The following STRBP variants were observed in gnomAD, a reference collection of about 807,000 sequenced individuals.
The protein encoded by STRBP is spermatid perinuclear RNA-binding protein.
Under a neutral mutation model 80.1 loss-of-function variants are expected in STRBP, and 13 were observed. That is an observed-to-expected ratio of 0.16 (90% CI 0.11 to 0.26). The LOEUF (loss-of-function observed/expected upper bound fraction) is 0.26. Ranked by LOEUF, STRBP falls within the 10% of genes least tolerant of loss-of-function variation. The pLI is 1.00. For missense variants in STRBP, 485 were observed against 815.2 expected, an observed-to-expected ratio of 0.59 and a Z score of 4.93; for synonymous variants, 284 against 291.2, an observed-to-expected ratio of 0.98 and a Z score of 0.25.
At chr9:123,168,596 T>C (rs2037870739) in intron 6 of STRBP, among the ~76,000 whole-genome samples, 2 of 152,192 alleles carry the variant, frequency 1.3e-5, no homozygotes, top group Admixed American at 6.5e-5. Flanking sequence ...AACTGACCAA[T>C]ATTTACTGCG....
At position 123,136,076 on chromosome 9, in the gene STRBP, C is replaced by G. The variant is rs776664049; in HGVS notation, c.1738G>C (p.Ala580Pro). 2 of 1,614,072 alleles carry G rather than the reference C, an allele frequency of 1.2e-6. No homozygotes were observed. Among genetic ancestry groups the G allele is most frequent in the Non-Finnish European group, 1.7e-6 (2 of 1,180,032 alleles). ...ATCTTCTTTTTCTTATTATTTGCCG[C>G]ATTGGGTCCAGAAAACAGTTTCTCC... ...ALEKLFSGPN[A>P]ANNKKKKIIP... The change falls in exon 16 of 19, where the codon GCG (alanine) becomes CCG (proline). Residue 580 changes from alanine (A) to proline (P), a missense_variant. By Grantham distance (27) the Ala-to-Pro change is conservative. Coordinates refer to ENST00000348403, the MANE Select transcript of STRBP (RefSeq NM_018387.5). This position sits in a 1 kb window ranked among gnomAD's most constrained non-coding sequence, Gnocchi z 4.2.
intron 2 of STRBP, among the ~76,000 whole-genome samples, chr9:123,209,119 G>A (rs1279286543): frequency 6.6e-6 from 1 of 152,088 alleles, no homozygotes; most frequent in East Asian, 1.9e-4. Flanking sequence ...CATATATTCT[G>A]TTAAGTTTCA....
At chr9:123,234,980 C>T (rs1456587184) in intron 2 of STRBP, among the ~76,000 whole-genome samples, 3 of 117,508 alleles carry the variant, frequency 2.6e-5, no homozygotes, top group African/African-American at 9.3e-5. Flanking sequence ...TGTATCTGTT[C>T]AACTGGCTTT....
rs1394114066 is a variant in STRBP, at chr9:123,125,470, A to T, written c.*127T>A. 7.7e-7 allele frequency: 1 copy of T among 1,293,874 alleles called. No homozygotes were observed. Among genetic ancestry groups the T allele is most frequent in the Non-Finnish European group, 9.9e-7 (1 of 1,013,796 alleles). The allele number at this position is 1,293,874 out of a possible 1,614,324, so 80.1% of individuals were successfully genotyped here. On this transcript the variant is annotated 3_prime_UTR_variant, in exon 19 of 19. Coordinates refer to ENST00000348403, the MANE Select transcript of STRBP (RefSeq NM_018387.5). ...GCATTTGTTAAAATCAAAAAGTAGG[A>T]AAGATGTTCTTTACAAATAATTTTG...
chr9:123,155,060 G>A (rs1425110648), intron 11 of STRBP, among the ~76,000 whole-genome samples: 1 of 152,200 alleles, frequency 6.6e-6, no homozygotes, highest in Non-Finnish European at 1.5e-5. Context: ...GTGATAGTGG[G>A]TAAGTAGAAA....
chr9:123,170,227 C>G (rs2037950885), intron 5 of STRBP, among the ~76,000 whole-genome samples, 181 bp from the exon 6 acceptor site: 1 of 152,154 alleles, frequency 6.6e-6, no homozygotes, highest in Non-Finnish European at 1.5e-5. Flanking sequence ...TCCCAACTTA[C>G]AAGAAAACCC....
At chr9:123,175,622 A>G (rs943444636) in intron 4 of STRBP, among the ~76,000 whole-genome samples, 5 of 152,252 alleles carry the variant, frequency 3.3e-5, no homozygotes, top group Non-Finnish European at 7.3e-5. Context: ...ATAGAGAATC[A>G]GTCATCTTTG....
At chr9:123,248,915 T>G (rs1023461553) in intron 1 of STRBP, among the ~76,000 whole-genome samples, 1 of 152,236 alleles carries the variant, frequency 6.6e-6, no homozygotes, top group Non-Finnish European at 1.5e-5. Context: ...AATTCATATC[T>G]TTAGCAGTAC....
At chr9:123,210,985 A>G (rs1218203326) in intron 2 of STRBP, among the ~76,000 whole-genome samples, 1 of 152,222 alleles carries the variant, frequency 6.6e-6, no homozygotes, top group Non-Finnish European at 1.5e-5. Context: ...AAAAATGTTC[A>G]GTCTTCCACA....
At position 123,206,641 on chromosome 9, in the gene STRBP, TA is replaced by T. The variant is rs199852841; in HGVS notation, c.-164-22344del. Reference sequence around the variant, plus strand: ...TAAGATTTTTTTTTCTTTTTTTCTTTATTTTTTTTATTTTTGACACGGGTTT... The same window carrying T: ...TAAGATTTTTTTTTCTTTTTTTCTTTTTTTTTTTATTTTTGACACGGGTTT... On this transcript the variant is annotated intron_variant, in intron 2 of 18. Transcript: ENST00000348403. Among the ~76,000 whole-genome samples the T allele has an allele frequency of 4.3e-3, 661 of 152,172 alleles. 7 individuals carry two copies. Among genetic ancestry groups the T allele is most frequent in the East Asian group, 0.033 (172 of 5,180 alleles).
At chr9:123,209,269 G>A (rs372425627) in intron 2 of STRBP, among the ~76,000 whole-genome samples, 5 of 152,150 alleles carry the variant, frequency 3.3e-5, no homozygotes, top group Admixed American at 6.5e-5. Flanking sequence ...TGGTATAATC[G>A]AAAGAACATC....
At chr9:123,257,982 A>C (rs979438213) in intron 1 of STRBP, among the ~76,000 whole-genome samples, 2 of 152,088 alleles carry the variant, frequency 1.3e-5, no homozygotes, top group Non-Finnish European at 2.9e-5. Flanking sequence ...ACTCAAGATG[A>C]ATAAATTAAT....
chr9:123,243,636 A>T (rs2040742770), intron 1 of STRBP, among the ~76,000 whole-genome samples: 1 of 131,758 alleles, frequency 7.6e-6, no homozygotes, highest in South Asian at 2.5e-4. Context: ...AATAAAAATT[A>T]AAAAACAAGA....
chr9:123,173,910 G>A (rs1469251737), intron 4 of STRBP, 68 bp from the exon 5 acceptor site: 11 of 1,502,492 alleles, frequency 7.3e-6, no homozygotes, highest in Admixed American at 2.2e-5. Flanking sequence ...ATCATCACTT[G>A]GCTTCCTGAA....
chr9:123,113,188 T>C (rs2035595168), intron 3 of STRBP: 1 of 167,188 alleles, frequency 6.0e-6, no homozygotes, highest in Non-Finnish European at 1.5e-5. Context: ...TGGTCCTCCA[T>C]AGCCAGTGAC....
intron 3 of STRBP, among the ~76,000 whole-genome samples, chr9:123,181,261 T>C (rs2038445205): frequency 6.6e-6 from 1 of 152,136 alleles, no homozygotes; most frequent in African/African-American, 2.4e-5. Context: ...TATTCATCTA[T>C]CCCAAAGTAA....
At chr9:123,205,917 A>G (rs2039496997) in intron 2 of STRBP, among the ~76,000 whole-genome samples, 1 of 152,238 alleles carries the variant, frequency 6.6e-6, no homozygotes, top group African/African-American at 2.4e-5. Flanking sequence ...TCACAAGATT[A>G]GTACTACTGA....
chr9:123,132,953 T>A lies in STRBP; in HGVS notation c.1789A>T (p.Asn597Tyr). Reference sequence around the variant, plus strand: ...TGGACTGCTGCAGACACAGCTGTATTCACAACGCCCTTTGCCTGTTAAAAT... The same window carrying A: ...TGGACTGCTGCAGACACAGCTGTATACACAACGCCCTTTGCCTGTTAAAAT... Reference protein sequence around the residue: ...KIIPQAKGVVNTAVSAAVQAV... With the variant: ...KIIPQAKGVVYTAVSAAVQAV... The change falls in exon 17 of 19, where the codon AAT becomes TAT. Residue 597 changes from asparagine (N) to tyrosine (Y), a missense_variant. By Grantham distance (143) the Asn-to-Tyr change is moderately radical (BLOSUM62 -2). Transcript: ENST00000348403. The A allele has an allele frequency of 6.2e-7, 1 of 1,613,892 alleles. No homozygotes were observed.
At chr9:123,248,563 C>T (rs753479688) in intron 1 of STRBP, among the ~76,000 whole-genome samples, 1 of 152,054 alleles carries the variant, frequency 6.6e-6, no homozygotes, top group East Asian at 1.9e-4. Context: ...AGCCACCGCG[C>T]CCAGCCGAAT....
Sources: gnomAD v4.1 joint callset for allele counts (sites outside exome capture counted in the v4.1 genomes callset) on GRCh38, gnomAD v4.1.1 for gene constraint, Gnocchi (gnomAD v3.1) non-coding constraint, MANE v1.5 for transcripts, NCBI Gene and HGNC (gene_info 2026-07-23, HGNC 2026-07-21) for gene names.